FPR3: variants seen among roughly 807,000 people sequenced by gnomAD.
FPR3 encodes the protein formyl peptide receptor 3, also known as N-formyl peptide receptor 3.
For missense variants in FPR3, 346 were observed against 443.2 expected (o/e 0.78, Z 1.97); for synonymous variants, 135 against 163.6 (o/e 0.83, Z 1.34).
Position 51,813,003 on chromosome 19 carries a change from T to C in FPR3, c.-10-10736T>C, listed in dbSNP as rs2084107901. Among the ~76,000 whole-genome samples the C allele has an allele frequency of 3.3e-5, 5 of 152,014 alleles. No homozygotes were observed. The South Asian group carries it at 1.0e-3, about 32-fold the overall frequency. On this transcript the variant is annotated intron_variant, in intron 1 of 1. Transcript: ENST00000339223. Reference sequence around the variant, plus strand: ...AGGCATGGTGGTGAACCTGTAGTTCTAGCTACTGGGGAGGCTGAGGTAAGG... The same window carrying C: ...AGGCATGGTGGTGAACCTGTAGTTCCAGCTACTGGGGAGGCTGAGGTAAGG...
chr19:51,797,013 A>G (rs2084003740), intron 1 of FPR3, among the ~76,000 whole-genome samples: 1 of 152,238 alleles, frequency 6.6e-6, no homozygotes, highest in Non-Finnish European at 1.5e-5. Context: ...AAAAAGAGGA[A>G]GAGAATCGAG....
intron 1 of FPR3, among the ~76,000 whole-genome samples, chr19:51,818,848 G>C (rs1159770819): frequency 6.6e-6 from 1 of 152,192 alleles, no homozygotes; most frequent in Non-Finnish European, 1.5e-5. Context: ...GGAAGCCATA[G>C]AAGAGTGCTG....
chr19:51,822,496 T>C (rs1218045943), intron 1 of FPR3, among the ~76,000 whole-genome samples: 1 of 152,148 alleles, frequency 6.6e-6, no homozygotes, highest in African/African-American at 2.4e-5. Context: ...AGAAAGGGCT[T>C]AGAAGTCAGA....
intron 1 of FPR3, among the ~76,000 whole-genome samples, chr19:51,808,980 A>G (rs2084079358): frequency 6.6e-6 from 1 of 152,214 alleles, no homozygotes; most frequent in African/African-American, 2.4e-5. Context: ...GAGGAGAAAT[A>G]TCAATGACCC....
chr19:51,825,642 C>T lies in FPR3; in HGVS notation c.*832C>T, dbSNP rs62108958. The T allele has an allele frequency of 0.021, 3,504 of 167,262 alleles. 58 individuals are homozygous for T. The highest frequency in any genetic ancestry group is 0.031 in the Non-Finnish European group (2,092 of 68,138). 10.4% of individuals were successfully genotyped at this position (167,262 alleles called of 1,614,324 possible). On this transcript the variant is annotated 3_prime_UTR_variant, in exon 2 of 2. Transcript: ENST00000339223. ...CCAACATACATCTTAATACCAGATA[C>T]CCTAATCCCAGTCCTAACTTCATTT...
chr19:51,825,394 A>G lies in FPR3; in HGVS notation c.*584A>G, dbSNP rs918298521. The stretch of plus-strand genomic sequence containing the variant: ...CCTCTTGGGTTTTTATGGAAGCTTC[A>G]TGATGTCAGCATTCTTTCCTCCAGT... On this transcript the variant is annotated 3_prime_UTR_variant, in exon 2 of 2. Transcript: ENST00000339223. 2 of 167,240 alleles carry G rather than the reference A, an allele frequency of 1.2e-5. No individual in the cohort carries two copies. Among genetic ancestry groups the G allele is most frequent in the African/African-American group, 4.8e-5 (2 of 41,444 alleles). 10.4% of individuals were successfully genotyped at this position (167,240 alleles called of 1,614,324 possible).
intron 1 of FPR3, among the ~76,000 whole-genome samples, 173 bp downstream of exon 1, chr19:51,795,504 C>CTTTTTTTTTTTTTTTTTTTTTTTTTTTT (rs58620565): frequency 2.7e-5 from 2 of 74,740 alleles, no homozygotes; most frequent in Non-Finnish European, 4.6e-5. Context: ...CAGTAACATT[C>CTTTTTTTTTTTTTTTTTTTTTTTTTTTT]TTTTTTTTTT....
Position 51,824,780 on chromosome 19 carries a change from T to G in FPR3, c.1032T>G (p.Pro344=), listed in dbSNP as rs761936405. The G allele has an allele frequency of 1.8e-5, 29 of 1,612,966 alleles. No homozygotes were observed. The South Asian group carries it at 3.1e-4, about 17-fold the overall frequency. Residue 344 remains proline (P), a synonymous_variant, in exon 2 of 2, where the codon CCT becomes CCG. Coordinates refer to ENST00000339223, the MANE Select transcript of FPR3 (RefSeq NM_002030.5). The surrounding 1 kb of genome is among the most constrained non-coding windows in gnomAD (Gnocchi z 4.7). ...TSNTDTTSAS[P]PEETELQAM ...ACACAGACACCACTTCTGCTTCACCTCCTGAGGAGACGGAGTTACAAGCAA... is the reference window on the plus strand; with the variant it reads ...ACACAGACACCACTTCTGCTTCACCGCCTGAGGAGACGGAGTTACAAGCAA...
chr19:51,809,539 A>G (rs2084083342), intron 1 of FPR3, among the ~76,000 whole-genome samples: 1 of 152,202 alleles, frequency 6.6e-6, no homozygotes, highest in African/African-American at 2.4e-5. Context: ...TGTGATTTGC[A>G]GGGAATAAGC....
chr19:51,821,166 G>C (rs2084185649), intron 1 of FPR3, among the ~76,000 whole-genome samples: 1 of 152,158 alleles, frequency 6.6e-6, no homozygotes, highest in Non-Finnish European at 1.5e-5. Flanking sequence ...CTGAAAGTTA[G>C]ACTTCACCAC....
chr19:51,796,782 T>A (rs150791668), intron 1 of FPR3, among the ~76,000 whole-genome samples: 149 of 152,280 alleles, frequency 9.8e-4, no homozygotes, highest in African/African-American at 3.3e-3. Context: ...GCAGAGAACA[T>A]CAACAGTTTG....
rs1568433440 is a variant in FPR3 at position 51,824,604 on chromosome 19, C to T, written c.856C>T (p.Pro286Ser). ...KYKIILVLIN[P>S]TSSLAFFNSC... Reference sequence around the variant, plus strand: ...CAAAATCATTCTTGTCCTGATTAACCCAACAAGCTCCTTGGCCTTTTTTAA... The same window carrying T: ...CAAAATCATTCTTGTCCTGATTAACTCAACAAGCTCCTTGGCCTTTTTTAA... Residue 286 changes from proline to serine, a missense_variant, in exon 2 of 2, where the codon CCA (proline) becomes TCA (serine). Transcript: ENST00000339223. The surrounding 1 kb of genome is among the most constrained non-coding windows in gnomAD (Gnocchi z 4.7). 6.2e-7 allele frequency: 1 copy of T among 1,614,104 alleles called. No homozygotes were observed. The highest frequency in any genetic ancestry group is 8.5e-7 in the Non-Finnish European group (1 of 1,179,998).
intron 1 of FPR3, chr19:51,817,552 T>G (rs1342501535): frequency 6.6e-6 from 1 of 151,944 alleles, no homozygotes; most frequent in Non-Finnish European, 1.5e-5. Flanking sequence ...CTATTCCCAC[T>G]GTATGGAAAA....
chr19:51,807,907 G>C (rs1337401479), intron 1 of FPR3, among the ~76,000 whole-genome samples: 1 of 152,190 alleles, frequency 6.6e-6, no homozygotes, highest in East Asian at 1.9e-4. Flanking sequence ...ATTAAAGAAA[G>C]ATAAACTTGC....
At chr19:51,808,158 G>A (rs899051418) in intron 1 of FPR3, among the ~76,000 whole-genome samples, 2 of 152,208 alleles carry the variant, frequency 1.3e-5, no homozygotes, top group African/African-American at 2.4e-5. Flanking sequence ...TCCGTGCAGG[G>A]TTTGGTAAAT....
intron 1 of FPR3, chr19:51,817,978 C>A (rs79559876): frequency 6.7e-6 from 1 of 148,156 alleles, no homozygotes; most frequent in African/African-American, 2.5e-5. Context: ...TTTTTTCAGT[C>A]TTTTTTTTTT....
At chr19:51,819,187 G>C (rs928402495) in intron 1 of FPR3, among the ~76,000 whole-genome samples, 1 of 152,216 alleles carries the variant, frequency 6.6e-6, no homozygotes, top group Non-Finnish European at 1.5e-5. Context: ...GGTTTGGGAG[G>C]AAGGGACAAG....
chr19:51,812,208 C>T (rs1436134060), intron 1 of FPR3, among the ~76,000 whole-genome samples: 1 of 152,016 alleles, frequency 6.6e-6, no homozygotes, highest in African/African-American at 2.4e-5. Context: ...CACTTAGTCC[C>T]CCAGTTAAGA....
At chr19:51,806,637 A>T (rs1156937084) in intron 1 of FPR3, among the ~76,000 whole-genome samples, 1 of 152,234 alleles carries the variant, frequency 6.6e-6, no homozygotes, top group Non-Finnish European at 1.5e-5. Flanking sequence ...GTTATAGCCC[A>T]AAGCTGTAGG....
Sources: gnomAD v4.1 joint callset for allele counts (sites outside exome capture counted in the v4.1 genomes callset) on GRCh38, gnomAD v4.1.1 for gene constraint, Gnocchi (gnomAD v3.1) non-coding constraint, MANE v1.5 for transcripts, NCBI Gene and HGNC (gene_info 2026-07-23, HGNC 2026-07-21) for gene names.